SEMA5A: variants seen among roughly 807,000 people sequenced by gnomAD.
SEMA5A encodes the protein semaphorin 5A, also known as semaphorin-5A.
Under a neutral mutation model 135.5 loss-of-function variants are expected in SEMA5A, and 55 were observed. The ratio of observed to expected loss-of-function variants is 0.41; its 90% CI spans 0.33 to 0.51. SEMA5A has a LOEUF of 0.51. SEMA5A is among the 20% of genes least tolerant of loss of function. The pLI is 0.37. For missense variants in SEMA5A, 1,290 were observed against 1,419.9 expected (o/e 0.91, Z 1.47); for synonymous variants, 580 against 546.5 (o/e 1.06, Z -0.85).
intron 1 of SEMA5A, among the ~76,000 whole-genome samples, chr5:9,475,723 C>T (rs1759644407): frequency 6.6e-6 from 1 of 152,166 alleles, no homozygotes; most frequent in South Asian, 2.1e-4. Flanking sequence ...CTGGAAGCTA[C>T]TCTATAGCAG....
intron 3 of SEMA5A, among the ~76,000 whole-genome samples, chr5:9,365,493 G>T (rs805141): frequency 0.99 from 150,718 of 152,154 alleles, 74,666 homozygotes; most frequent in East Asian, 1. Flanking sequence ...TTTGCATTCA[G>T]ATAGCTTTTT....
At chr5:9,154,410 A>G (rs1742835501) in intron 12 of SEMA5A, 78 bp downstream of exon 12, 2 of 1,391,302 alleles carry the variant, frequency 1.4e-6, no homozygotes, top group African/African-American at 2.8e-5. Context: ...ACTTCAGGGC[A>G]TCTGAAGCCT....
At chr5:9,467,724 A>C (rs903602362) in intron 1 of SEMA5A, among the ~76,000 whole-genome samples, 1 of 152,066 alleles carries the variant, frequency 6.6e-6, no homozygotes. Flanking sequence ...CTGTGCCTGG[A>C]GGTGGGAGCC....
intron 2 of SEMA5A, among the ~76,000 whole-genome samples, chr5:9,427,608 G>A (rs577925097): frequency 6.6e-6 from 1 of 152,304 alleles, no homozygotes; most frequent in South Asian, 2.1e-4. Context: ...CACAACTGCT[G>A]CTCACAGCTG....
chr5:9,078,886 T>C (rs572944231), intron 16 of SEMA5A, among the ~76,000 whole-genome samples: 1 of 152,254 alleles, frequency 6.6e-6, no homozygotes, highest in South Asian at 2.1e-4. Context: ...CATAGGCCAC[T>C]AATAGTAAAT....
chr5:9,504,505 T>C lies in SEMA5A; in HGVS notation c.-175+41079A>G, dbSNP rs1017224900. On this transcript the variant is annotated intron_variant, in intron 1 of 22. Coordinates refer to ENST00000382496, the MANE Select transcript of SEMA5A (RefSeq NM_003966.3). ...TGGATTCACATCAGGAGACAGGTAA[T>C]AAACCAATAAGTACCGGGGTCTCAA... Among the ~76,000 whole-genome samples, 3 of 152,218 alleles carry C rather than the reference T, an allele frequency of 2.0e-5. No individual in the cohort carries two copies. In the South Asian group the frequency reaches 6.2e-4, roughly 32 times the overall value.
At chr5:9,100,117 G>A (rs145141765) in intron 16 of SEMA5A, among the ~76,000 whole-genome samples, 7 of 152,312 alleles carry the variant, frequency 4.6e-5, no homozygotes, top group Non-Finnish European at 8.8e-5. Context: ...ATGGCTATGC[G>A]ATGACTGGGA....
intron 2 of SEMA5A, among the ~76,000 whole-genome samples, chr5:9,384,579 G>GATACATAC (rs1265896336): frequency 1.3e-5 from 1 of 75,996 alleles, no homozygotes; most frequent in African/African-American, 4.6e-5. Flanking sequence ...TACATAGATA[G>GATACATAC]ATAGATAGAT....
chr5:9,036,581 G>T lies in SEMA5A; in HGVS notation c.*6316C>A, dbSNP rs1174298003. The T allele has an allele frequency of 6.6e-6, 1 of 152,196 alleles. No homozygotes were observed. Among genetic ancestry groups the T allele is most frequent in the African/African-American group, 2.4e-5 (1 of 41,396 alleles). The allele number at this position is 152,196 out of a possible 1,614,324, so 9.4% of individuals were successfully genotyped here. ...TTTTGGAACATGTAAAAATTAAAGT[G>T]ATGTTAGTTTCTAGAAGGCTAATAC... On this transcript the variant is annotated 3_prime_UTR_variant, in exon 23 of 23. Transcript: ENST00000382496.
At chr5:9,089,672 T>C (rs1192294505) in intron 16 of SEMA5A, among the ~76,000 whole-genome samples, 1 of 152,216 alleles carries the variant, frequency 6.6e-6, no homozygotes, top group East Asian at 1.9e-4. Context: ...CAATATGGTA[T>C]TGAACGCTAG....
chr5:9,127,537 C>T (rs955681656), intron 13 of SEMA5A, among the ~76,000 whole-genome samples: 2 of 152,182 alleles, frequency 1.3e-5, no homozygotes, highest in South Asian at 4.1e-4. Context: ...TCTGTAAGTT[C>T]CCAATAAACT....
intron 15 of SEMA5A, among the ~76,000 whole-genome samples, chr5:9,110,789 A>C (rs1201099593): frequency 6.6e-6 from 1 of 152,172 alleles, no homozygotes; most frequent in Non-Finnish European, 1.5e-5. Context: ...TCCACATTTA[A>C]GATAACACAG....
rs867683647 is a variant in SEMA5A, at chr5:9,544,592, C to G, written c.-175+992G>C. Among the ~76,000 whole-genome samples the G allele has an allele frequency of 2.0e-5, 3 of 152,192 alleles. No individual in the cohort carries two copies. In the South Asian group the frequency reaches 6.2e-4, roughly 32 times the overall value. On this transcript the variant is annotated intron_variant, in intron 1 of 22. Coordinates refer to ENST00000382496, the MANE Select transcript of SEMA5A (RefSeq NM_003966.3). ...TTGCCTGGGACTCCCGCCCACTCGC[C>G]CAGGACCCAGCAACTGCCTGTGGCG...
intron 12 of SEMA5A, 58 bp from the exon 13 acceptor site, chr5:9,136,679 C>A: frequency 7.3e-7 from 1 of 1,374,966 alleles, no homozygotes. Flanking sequence ...ATAAGATACA[C>A]AAGACAAGGC....
At chr5:9,273,507 C>T (rs1032920500) in intron 5 of SEMA5A, among the ~76,000 whole-genome samples, 6 of 151,868 alleles carry the variant, frequency 4.0e-5, no homozygotes, top group East Asian at 1.9e-4. Context: ...AGATACTCCT[C>T]GAAAAGAGCA....
At chr5:9,191,545 C>A (rs183705) in intron 10 of SEMA5A, among the ~76,000 whole-genome samples, 54 of 152,304 alleles carry the variant, frequency 3.5e-4, no homozygotes, top group South Asian at 2.1e-3. Flanking sequence ...TGAAACTACC[C>A]TTTATAACAT....
chr5:9,290,182 T>C (rs1270959656), intron 5 of SEMA5A, among the ~76,000 whole-genome samples: 1 of 152,198 alleles, frequency 6.6e-6, no homozygotes, highest in Non-Finnish European at 1.5e-5. Context: ...ACCCAATGTG[T>C]AGTCTTTTAT....
chr5:9,247,477 A>G (rs531165249), intron 5 of SEMA5A, among the ~76,000 whole-genome samples: 6 of 152,296 alleles, frequency 3.9e-5, no homozygotes, highest in African/African-American at 1.4e-4. Context: ...TACTTTCTCT[A>G]GAGTTCTGGG....
chr5:9,050,542 G>A (rs1027138106), intron 20 of SEMA5A, 85 bp from the exon 21 acceptor site: 22 of 1,073,454 alleles, frequency 2.0e-5, no homozygotes, highest in Middle Eastern at 2.1e-4. Flanking sequence ...TTTGTCTAAT[G>A]ATTCTGAATG....
Sources: allele counts gnomAD v4.1 joint callset (sites outside exome capture counted in the v4.1 genomes callset), GRCh38; gene constraint gnomAD v4.1.1; transcripts MANE v1.5; gene names NCBI Gene and HGNC (gene_info 2026-07-23, HGNC 2026-07-21).